Variants in MICU1 observed in about 807,000 individuals in gnomAD.
MICU1 encodes calcium uptake protein 1, mitochondrial.
A neutral mutation model predicts 56.8 loss-of-function variants in MICU1; 45 were observed. The observed-to-expected ratio is 0.79, with a 90% CI of 0.62 to 1.02. The LOEUF is 1.02. Among genes scored for constraint, MICU1 ranks in the 50% least tolerant of loss-of-function variants. MICU1 has a pLI of 0.00. For missense variants in MICU1, 504 were observed against 587.1 expected (o/e 0.86, Z 1.46); for synonymous variants, 186 against 195.1 (o/e 0.95, Z 0.39).
intron 1 of MICU1, among the ~76,000 whole-genome samples, chr10:72,623,678 TA>T (rs1842164718): frequency 6.6e-6 from 1 of 152,048 alleles, no homozygotes; most frequent in African/African-American, 2.4e-5. Context: ...CCATCTCTAC[TA>T]AAAATACAAA....
At chr10:72,525,736 G>A (rs1017637448) in intron 5 of MICU1, among the ~76,000 whole-genome samples, 1 of 152,170 alleles carries the variant, frequency 6.6e-6, no homozygotes, top group African/African-American at 2.4e-5. Context: ...TCAAAGTCAT[G>A]CAAAACAGCT....
rs191737306 is a variant in MICU1 at position 72,370,801 on chromosome 10, C to T, written c.1271-2446G>A. 3.9e-3 allele frequency among the ~76,000 whole-genome samples: 601 copies of T among 152,186 alleles called. 2 individuals carry two copies. Among genetic ancestry groups the T allele is most frequent in the Non-Finnish European group, 6.9e-3 (470 of 68,002 alleles). On this transcript the variant is annotated intron_variant, in intron 11 of 11. Coordinates refer to ENST00000361114, the MANE Select transcript of MICU1 (RefSeq NM_001195518.2). Reference sequence around the variant, plus strand: ...ATCACAGCACTTTGGGAGGCCGAGGCGGGCAGATTGCTTAAGGCCCGGAGT... The same window carrying T: ...ATCACAGCACTTTGGGAGGCCGAGGTGGGCAGATTGCTTAAGGCCCGGAGT...
chr10:72,489,114 C>T (rs951891254), intron 6 of MICU1, among the ~76,000 whole-genome samples: 1 of 151,860 alleles, frequency 6.6e-6, no homozygotes, highest in East Asian at 1.9e-4. Context: ...CAAACCCCAA[C>T]CCCATCTCTA....
intron 10 of MICU1, among the ~76,000 whole-genome samples, chr10:72,390,360 A>T (rs1236405404): frequency 6.6e-6 from 1 of 152,234 alleles, no homozygotes; most frequent in Non-Finnish European, 1.5e-5. Flanking sequence ...TCAAATTTGG[A>T]AACTATATCC....
intron 6 of MICU1, chr10:72,501,875 G>A (rs1444348241): frequency 6.6e-6 from 1 of 152,006 alleles, no homozygotes; most frequent in Non-Finnish European, 1.5e-5. Flanking sequence ...CTTCCAAAAA[G>A]TTTAAATAAG....
chr10:72,594,302 C>T (rs1841311994), intron 1 of MICU1, among the ~76,000 whole-genome samples: 1 of 151,966 alleles, frequency 6.6e-6, no homozygotes, highest in Admixed American at 6.6e-5. Context: ...AGAAGATCCA[C>T]ATAAAAAGAA....
At chr10:72,573,799 CACTT>C (rs1174202318) in intron 1 of MICU1, among the ~76,000 whole-genome samples, 7 of 152,280 alleles carry the variant, frequency 4.6e-5, no homozygotes, top group African/African-American at 1.7e-4. Flanking sequence ...CAGGAACTGT[CACTT>C]ACCAGCCCCA....
chr10:72,408,586 G>A (rs896400052), intron 9 of MICU1, among the ~76,000 whole-genome samples: 2 of 152,162 alleles, frequency 1.3e-5, no homozygotes, highest in African/African-American at 4.8e-5. Flanking sequence ...TGGGATTACA[G>A]GTCTGAGCCA....
At chr10:72,512,698 G>GTTTTT (rs1478529217) in intron 5 of MICU1, among the ~76,000 whole-genome samples, 3 of 151,772 alleles carry the variant, frequency 2.0e-5, no homozygotes, top group Admixed American at 2.0e-4. Context: ...GTTTTGTTTT[G>GTTTTT]TTTTGTTTTG....
Position 72,367,927 on chromosome 10 carries a change from G to C in MICU1, c.*268C>G. ...CTTTATCCACAGGATGCTTGAATGG[G>C]TGGTGCTGTTGAGGCTGACAAATGT... On this transcript the variant is annotated 3_prime_UTR_variant, in exon 12 of 12. Transcript: ENST00000361114. 2.6e-6 allele frequency: 1 copy of C among 381,896 alleles called. No individual in the cohort carries two copies. Among genetic ancestry groups the C allele is most frequent in the Non-Finnish European group, 4.7e-6 (1 of 211,170 alleles). The allele number at this position is 381,896 out of a possible 1,614,324, so 23.7% of individuals were successfully genotyped here.
intron 8 of MICU1, among the ~76,000 whole-genome samples, chr10:72,470,311 T>C (rs1017103157): frequency 2.0e-5 from 3 of 152,212 alleles, no homozygotes; most frequent in Non-Finnish European, 2.9e-5. Flanking sequence ...TGAAATTTTA[T>C]GTAAGGATGT....
intron 1 of MICU1, among the ~76,000 whole-genome samples, chr10:72,569,998 T>C (rs565453148): frequency 6.6e-6 from 1 of 152,240 alleles, no homozygotes; most frequent in African/African-American, 2.4e-5. Flanking sequence ...AAGGCTGGAG[T>C]ACAGTGGCAT....
intron 5 of MICU1, among the ~76,000 whole-genome samples, chr10:72,526,952 A>AAAAAG (rs1867981019): frequency 6.7e-6 from 1 of 148,266 alleles, no homozygotes. Context: ...AAAAAAAAAA[A>AAAAAG]GAAAGCACTT....
intron 8 of MICU1, among the ~76,000 whole-genome samples, chr10:72,451,433 C>A (rs937666947): frequency 6.6e-6 from 1 of 152,144 alleles, no homozygotes; most frequent in African/African-American, 2.4e-5. Context: ...GCAGTGGCAA[C>A]TATTAAAGAA....
chr10:72,599,402 C>G (rs1841463417), intron 1 of MICU1, among the ~76,000 whole-genome samples: 1 of 152,134 alleles, frequency 6.6e-6, no homozygotes, highest in Admixed American at 6.6e-5. Flanking sequence ...AGGCGCTGTT[C>G]TGAGTAGCAA....
At chr10:72,482,957 G>T (rs574984257) in intron 6 of MICU1, among the ~76,000 whole-genome samples, 10 of 152,050 alleles carry the variant, frequency 6.6e-5, no homozygotes, top group African/African-American at 2.2e-4. Context: ...CCGTGTTCAA[G>T]CGATTCTCCT....
chr10:72,465,574 C>T (rs1355387253), intron 8 of MICU1, among the ~76,000 whole-genome samples: 5 of 129,228 alleles, frequency 3.9e-5, no homozygotes, highest in Admixed American at 3.8e-4. Flanking sequence ...AGTGCAGTGG[C>T]ACAATCTTGG....
In MICU1 at chr10:72,493,136, A is replaced by C. The variant is rs190745259; in HGVS notation, c.652+15019T>G. On this transcript the variant is annotated intron_variant, in intron 6 of 11. Transcript: ENST00000361114. ...TTAACTAGTATTGTGAAATAGCAGT[A>C]ATTAGCAAAACTCCATTTCAAAAAA... Among the ~76,000 whole-genome samples, 11 of 152,300 alleles carry C rather than the reference A, an allele frequency of 7.2e-5. No homozygotes were observed. In the South Asian group the frequency reaches 1.5e-3, roughly 20 times the overall value.
chr10:72,447,300 T>C (rs1310915247), intron 8 of MICU1, among the ~76,000 whole-genome samples: 3 of 152,134 alleles, frequency 2.0e-5, no homozygotes, highest in Non-Finnish European at 2.9e-5. Flanking sequence ...GTAGGCATAA[T>C]AGCTACTGCC....
Sources: gnomAD v4.1 joint callset for allele counts (sites outside exome capture counted in the v4.1 genomes callset) on GRCh38, gnomAD v4.1.1 for gene constraint, MANE v1.5 for transcripts, NCBI Gene and HGNC (gene_info 2026-07-23, HGNC 2026-07-21) for gene names.